The following FBXW7 variants were observed in gnomAD, a reference collection of about 807,000 sequenced individuals.
FBXW7 encodes the protein F-box/WD repeat-containing protein 7.
A neutral mutation model predicts 86.3 loss-of-function variants in FBXW7; 11 were observed. That is an observed-to-expected ratio of 0.13 (90% CI 0.08 to 0.21). The LOEUF (loss-of-function observed/expected upper bound fraction) is 0.21, where lower values mean the gene tolerates loss of function less well. Ranked by LOEUF, FBXW7 falls within the 10% of genes least tolerant of loss-of-function variation. FBXW7 has a pLI of 1.00. For missense variants in FBXW7, 488 were observed against 847.4 expected (o/e 0.58, Z 5.27); for synonymous variants, 313 against 297.9 (o/e 1.05, Z -0.52).
intron 4 of FBXW7, among the ~76,000 whole-genome samples, chr4:152,409,208 G>T (rs181293866): frequency 3.3e-4 from 50 of 152,252 alleles, no homozygotes; most frequent in African/African-American, 1.1e-3. Context: ...AACTTGAAAG[G>T]TATCCTGAGT....
intron 2 of FBXW7, among the ~76,000 whole-genome samples, chr4:152,509,379 A>C (rs1219430686): frequency 1.3e-5 from 2 of 152,200 alleles, no homozygotes; most frequent in African/African-American, 4.8e-5. Context: ...TCTAAAAAAA[A>C]AGGTGAAACC....
chr4:152,331,985 C>T (rs551726093), intron 8 of FBXW7, among the ~76,000 whole-genome samples: 1 of 151,926 alleles, frequency 6.6e-6, no homozygotes, highest in African/African-American at 2.4e-5. Flanking sequence ...GGAATAATCA[C>T]CTATAGAGTA....
At chr4:152,512,547 T>C (rs1038914201) in intron 2 of FBXW7, among the ~76,000 whole-genome samples, 1 of 152,204 alleles carries the variant, frequency 6.6e-6, no homozygotes, top group African/African-American at 2.4e-5. Flanking sequence ...AACTGAATAC[T>C]ATTCAGTCCT....
intron 2 of FBXW7, among the ~76,000 whole-genome samples, chr4:152,488,763 C>A (rs1037518271): frequency 6.6e-6 from 1 of 151,994 alleles, no homozygotes; most frequent in Non-Finnish European, 1.5e-5. Flanking sequence ...GAAGTCTGTG[C>A]TATCTTCTAT....
In FBXW7 at chr4:152,412,025, G is replaced by A. The variant is rs148286387; in HGVS notation, c.-69-153C>T. On this transcript the variant is annotated intron_variant, in intron 3 of 13. Coordinates refer to ENST00000281708, the MANE Select transcript of FBXW7 (RefSeq NM_001349798.2). ...AAAATGTTCTTTAGTAAACAATATA[G>A]AACATTTCAATTTTAAAAGTTATAA... 6.3e-6 allele frequency: 4 copies of A among 630,306 alleles called. No individual in the cohort carries two copies. In the East Asian group the frequency reaches 1.2e-4, roughly 20 times the overall value. The allele number at this position is 630,306 out of a possible 1,614,324, so 39.0% of individuals were successfully genotyped here. A position where few individuals can be genotyped will look rare whatever the true frequency, so the allele number is the denominator to read the frequency against.
chr4:152,397,418 T>C (rs1007677784), intron 4 of FBXW7, among the ~76,000 whole-genome samples: 3 of 151,888 alleles, frequency 2.0e-5, no homozygotes, highest in Non-Finnish European at 4.4e-5. Context: ...TCTTTTTCTT[T>C]TCTTGATATT....
intron 2 of FBXW7, among the ~76,000 whole-genome samples, chr4:152,503,279 AT>A (rs1040810864): frequency 7.4e-5 from 11 of 148,330 alleles, no homozygotes; most frequent in South Asian, 2.1e-4. Context: ...ACCTTATTAA[AT>A]TTTTTTTTTT....
chr4:152,333,461 TAAA>T (rs1729765832), intron 7 of FBXW7, among the ~76,000 whole-genome samples: 1 of 150,620 alleles, frequency 6.6e-6, no homozygotes, highest in South Asian at 2.1e-4. Flanking sequence ...TTCAAATAAA[TAAA>T]AAGGAAAAAT....
intron 2 of FBXW7, among the ~76,000 whole-genome samples, chr4:152,506,411 G>A (rs1478589494): frequency 1.3e-5 from 2 of 152,194 alleles, no homozygotes; most frequent in Non-Finnish European, 2.9e-5. Context: ...GATTATAGGC[G>A]TGAGCCACCG....
At chr4:152,471,930 A>T (rs1449322957) in intron 2 of FBXW7, among the ~76,000 whole-genome samples, 1 of 151,864 alleles carries the variant, frequency 6.6e-6, no homozygotes, top group Non-Finnish European at 1.5e-5. Flanking sequence ...TAAATAAATT[A>T]AAAATGAAAA....
intron 2 of FBXW7, among the ~76,000 whole-genome samples, chr4:152,470,121 A>C (rs1743816518): frequency 6.6e-6 from 1 of 152,090 alleles, no homozygotes; most frequent in Non-Finnish European, 1.5e-5. Flanking sequence ...TTAAAATCCA[A>C]ACCATATGCT....
intron 4 of FBXW7, among the ~76,000 whole-genome samples, chr4:152,409,585 T>C (rs1737739140): frequency 6.6e-6 from 1 of 152,090 alleles, no homozygotes; most frequent in Admixed American, 6.6e-5. Flanking sequence ...CAGACTGAAA[T>C]CTTACTTGTA....
intron 2 of FBXW7, among the ~76,000 whole-genome samples, chr4:152,426,403 G>A (rs1173460196): frequency 6.6e-6 from 1 of 150,642 alleles, no homozygotes; most frequent in Non-Finnish European, 1.5e-5. Flanking sequence ...AGGCTGGAGT[G>A]CAGTGGCACA....
At chr4:152,404,443 T>G (rs1183154084) in intron 4 of FBXW7, among the ~76,000 whole-genome samples, 1 of 152,238 alleles carries the variant, frequency 6.6e-6, no homozygotes, top group Non-Finnish European at 1.5e-5. Flanking sequence ...TCTGATCTTT[T>G]TCTTTGCATA....
At chr4:152,508,189 A>G (rs1747606147) in intron 2 of FBXW7, among the ~76,000 whole-genome samples, 1 of 152,156 alleles carries the variant, frequency 6.6e-6, no homozygotes, top group South Asian at 2.1e-4. Flanking sequence ...ACCAAAATAA[A>G]TAATGATGAT....
intron 11 of FBXW7, among the ~76,000 whole-genome samples, chr4:152,327,314 T>G (rs900768540): frequency 3.9e-5 from 6 of 152,032 alleles, no homozygotes; most frequent in African/African-American, 1.2e-4. Context: ...ATTACAAATC[T>G]GGTGTGAAAT....
chr4:152,519,943 C>T (rs1282628123), intron 2 of FBXW7, among the ~76,000 whole-genome samples: 3 of 152,166 alleles, frequency 2.0e-5, no homozygotes, highest in African/African-American at 7.2e-5. Flanking sequence ...ACATCAGTAG[C>T]TATTTCATAT....
intron 6 of FBXW7, among the ~76,000 whole-genome samples, chr4:152,339,578 A>G (rs1322199494): frequency 6.6e-6 from 1 of 152,184 alleles, no homozygotes; most frequent in Non-Finnish European, 1.5e-5. Context: ...TCTACATCAT[A>G]GACAATGCAT....
chr4:152,478,781 G>C (rs1744633930), intron 2 of FBXW7, among the ~76,000 whole-genome samples: 1 of 152,022 alleles, frequency 6.6e-6, no homozygotes. Context: ...ATGTGGTTTT[G>C]ATTTGCATTT....
Sources: gnomAD v4.1 joint callset for allele counts (sites outside exome capture counted in the v4.1 genomes callset) on GRCh38, gnomAD v4.1.1 for gene constraint, MANE v1.5 for transcripts, NCBI Gene and HGNC (gene_info 2026-07-23, HGNC 2026-07-21) for gene names.